The following MYO1D variants were observed in gnomAD, a reference collection of about 807,000 sequenced individuals.
The protein encoded by MYO1D is myosin ID.
MYO1D carries 83 observed loss-of-function variants against 122.0 expected under a neutral mutation model. The ratio of observed to expected loss-of-function variants is 0.68; its 90% CI spans 0.57 to 0.82. MYO1D has a LOEUF of 0.82. Ranked by LOEUF, MYO1D falls within the 40% of genes least tolerant of loss-of-function variation. MYO1D has a pLI of 0.00. For synonymous variants in MYO1D, 464 were observed against 446.9 expected, an observed-to-expected ratio of 1.04 and a Z score of -0.48; for missense variants, 1,157 against 1,269.5, an observed-to-expected ratio of 0.91 and a Z score of 1.35.
chr17:32,864,775 A>C (rs184720039), intron 1 of MYO1D, among the ~76,000 whole-genome samples: 1 of 152,324 alleles, frequency 6.6e-6, no homozygotes, highest in East Asian at 1.9e-4. Flanking sequence ...AAAGATGCAG[A>C]AGTACTATGC....
At chr17:32,595,464 AG>A (rs577578005) in intron 21 of MYO1D, among the ~76,000 whole-genome samples, 60 of 152,288 alleles carry the variant, frequency 3.9e-4, no homozygotes, top group African/African-American at 1.4e-3. Flanking sequence ...TCATTGTGTC[AG>A]AAAAATAACT....
intron 1 of MYO1D, among the ~76,000 whole-genome samples, chr17:32,807,556 C>T (rs2090527396): frequency 6.6e-6 from 1 of 152,172 alleles, no homozygotes; most frequent in Non-Finnish European, 1.5e-5. Flanking sequence ...CCAAACATTT[C>T]ATCTGTTCTC....
At chr17:32,760,730 G>T in intron 8 of MYO1D, 103 bp from the exon 9 acceptor site, 1 of 1,240,974 alleles carries the variant, frequency 8.1e-7, no homozygotes, top group Non-Finnish European at 1.1e-6. Context: ...TCACTGTTTA[G>T]CATAGCCATT....
At chr17:32,693,298 GA>G (rs1486793051) in intron 16 of MYO1D, among the ~76,000 whole-genome samples, 1 of 149,858 alleles carries the variant, frequency 6.7e-6, no homozygotes, top group Non-Finnish European at 1.5e-5. Context: ...ATAGGGGCCA[GA>G]AAATGTTGTC....
intron 16 of MYO1D, among the ~76,000 whole-genome samples, chr17:32,661,686 C>G (rs1473499039): frequency 2.6e-5 from 4 of 151,676 alleles, no homozygotes; most frequent in Admixed American, 6.6e-5. Flanking sequence ...CAAAAAACCA[C>G]GTATATTATG....
intron 1 of MYO1D, among the ~76,000 whole-genome samples, chr17:32,805,239 C>T (rs1343834883): frequency 1.3e-5 from 2 of 152,116 alleles, no homozygotes; most frequent in East Asian, 3.8e-4. Context: ...GAACTGTGAG[C>T]AATACATTTC....
intron 20 of MYO1D, among the ~76,000 whole-genome samples, chr17:32,637,180 T>C (rs942591845): frequency 1.3e-5 from 2 of 152,188 alleles, no homozygotes; most frequent in Admixed American, 6.5e-5. Context: ...CTCCCCTTAA[T>C]AGAAAGCAAG....
At chr17:32,812,425 C>G (rs2151051341) in intron 1 of MYO1D, among the ~76,000 whole-genome samples, 1 of 152,280 alleles carries the variant, frequency 6.6e-6, no homozygotes, top group East Asian at 1.9e-4. Flanking sequence ...AAAATGAGGA[C>G]AAGAGAGGTC....
chr17:32,690,270 G>T (rs1161184378), intron 16 of MYO1D, among the ~76,000 whole-genome samples: 5 of 151,192 alleles, frequency 3.3e-5, no homozygotes, highest in Non-Finnish European at 7.4e-5. Flanking sequence ...GCACCTCCCG[G>T]GCTCAAGCAA....
At chr17:32,814,923 G>A (rs1302970388) in intron 1 of MYO1D, among the ~76,000 whole-genome samples, 3 of 152,178 alleles carry the variant, frequency 2.0e-5, no homozygotes, top group Admixed American at 6.5e-5. Context: ...GTTACGCTGC[G>A]CATCAACAGC....
At position 32,622,040 on chromosome 17, in the gene MYO1D, C is replaced by A. The variant is rs956355616; in HGVS notation, c.2709+16682G>T. 3.9e-5 allele frequency among the ~76,000 whole-genome samples: 6 copies of A among 152,160 alleles called. No individual in the cohort carries two copies. The South Asian group carries it at 1.0e-3, about 26-fold the overall frequency. ...CGGTCTGTGGTTTCTTGTTACAGCA[C>A]CCCATGCTAAGACAGTCTCCATCCT... On this transcript the variant is annotated intron_variant, in intron 20 of 21. Transcript: ENST00000318217.
chr17:32,715,405 T>A (rs2089430862), intron 15 of MYO1D, among the ~76,000 whole-genome samples: 1 of 152,220 alleles, frequency 6.6e-6, no homozygotes, highest in Admixed American at 6.5e-5. Flanking sequence ...AATTACTCCC[T>A]AATTACAGTT....
At chr17:32,787,715 C>T (rs528337278) in intron 1 of MYO1D, among the ~76,000 whole-genome samples, 7 of 152,156 alleles carry the variant, frequency 4.6e-5, no homozygotes, top group Non-Finnish European at 1.0e-4. Context: ...CGGTGCCAGG[C>T]CTGGTATGTG....
chr17:32,712,921 T>C lies in MYO1D; in HGVS notation c.1914-726A>G, dbSNP rs190494975. ...CCTATCACTTTTGCCATATTCTACT[T>C]TGTCAGAAGCAAATCACTAGGTCTA... On this transcript the variant is annotated intron_variant, in intron 15 of 21. Transcript: ENST00000318217. 1.7e-4 allele frequency among the ~76,000 whole-genome samples: 26 copies of C among 152,158 alleles called. No homozygotes were observed. The East Asian group carries it at 5.0e-3, about 29-fold the overall frequency.
chr17:32,716,916 A>G (rs2089454930), intron 15 of MYO1D, among the ~76,000 whole-genome samples: 1 of 152,266 alleles, frequency 6.6e-6, no homozygotes, highest in African/African-American at 2.4e-5. Context: ...AAAGGACTTT[A>G]GTAGCTTTTA....
rs73285653 is a variant in MYO1D, at chr17:32,876,025, C to G, written c.95+753G>C. 5.8e-3 allele frequency among the ~76,000 whole-genome samples: 885 copies of G among 152,276 alleles called. 12 individuals carry two copies. Among genetic ancestry groups the G allele is most frequent in the African/African-American group, 0.019 (797 of 41,520 alleles). ...ATTTTGGGGCGTTGAGTTGTGACTA[C>G]GTTCTCAAGGATGTTAATAACACAA... On this transcript the variant is annotated intron_variant, in intron 1 of 21. Coordinates refer to ENST00000318217, the MANE Select transcript of MYO1D (RefSeq NM_015194.3).
At chr17:32,676,366 T>G (rs970992757) in intron 16 of MYO1D, among the ~76,000 whole-genome samples, 2 of 146,404 alleles carry the variant, frequency 1.4e-5, no homozygotes, top group East Asian at 1.9e-4. Context: ...TTTTTTTTTT[T>G]GTCCATAACA....
chr17:32,688,704 G>C (rs1030110836), intron 16 of MYO1D, among the ~76,000 whole-genome samples: 1 of 152,196 alleles, frequency 6.6e-6, no homozygotes, highest in Non-Finnish European at 1.5e-5. Context: ...GGAAAGTCTA[G>C]TCTTAATTTT....
intron 10 of MYO1D, 78 bp downstream of exon 10, chr17:32,760,212 G>T: frequency 8.2e-7 from 1 of 1,225,126 alleles, no homozygotes; most frequent in Non-Finnish European, 1.2e-6. Context: ...AAAAGATCAA[G>T]AAATACCTAA....
Sources: gnomAD v4.1 joint callset for allele counts (sites outside exome capture counted in the v4.1 genomes callset) on GRCh38, gnomAD v4.1.1 for gene constraint, MANE v1.5 for transcripts, NCBI Gene and HGNC (gene_info 2026-07-23, HGNC 2026-07-21) for gene names.